CDK12: variants seen among roughly 807,000 people sequenced by gnomAD.
CDK12 encodes the protein cyclin dependent kinase 12.
Under a neutral mutation model 133.8 loss-of-function variants are expected in CDK12, and 17 were observed. The observed-to-expected ratio is 0.13, with a 90% CI of 0.09 to 0.19. The LOEUF is 0.19. Among genes scored for constraint, CDK12 ranks in the 10% least tolerant of loss-of-function variants. The pLI, the probability that CDK12 is intolerant of heterozygous loss-of-function variation, is 1.00. For missense variants in CDK12, 1,508 were observed against 1,818.7 expected, an observed-to-expected ratio of 0.83 and a Z score of 3.11; for synonymous variants, 694 against 683.6, an observed-to-expected ratio of 1.02 and a Z score of -0.24.
In CDK12 at chr17:39,533,074, TAA is replaced by T; in HGVS notation, c.*1769_*1770del. 4.6e-6 allele frequency: 1 copy of T among 215,990 alleles called. No individual in the cohort carries two copies. Among genetic ancestry groups the T allele is most frequent in the Non-Finnish European group, 9.2e-6 (1 of 108,970 alleles). The allele number at this position is 215,990 out of a possible 1,614,324, so 13.4% of individuals were successfully genotyped here. On this transcript the variant is annotated 3_prime_UTR_variant, in exon 14 of 14. Coordinates refer to ENST00000447079, the MANE Select transcript of CDK12 (RefSeq NM_016507.4). The stretch of plus-strand genomic sequence containing the variant: ...ACTTATAAGAGAAAGGTGCATTACT[TAA>T]AAAAAAAAAACTTTAAAGAAATGAA...
rs772546828 is a variant in CDK12, at chr17:39,509,741, G to T, written c.2646G>T (p.Arg882=). ...AACTAGCAGATTTTGGACTTGCTCG[G>T]CTCTATAACTCTGAAGAGAGGTAAG... is the stretch of plus-strand genomic sequence containing the variant. ...QIKLADFGLA[R]LYNSEESRPY... Residue 882 remains arginine (R), a synonymous_variant, in exon 7 of 14, where the codon CGG becomes CGT. Transcript: ENST00000447079. The T allele has an allele frequency of 6.2e-7, 1 of 1,611,764 alleles. No individual in the cohort carries two copies. Among genetic ancestry groups the T allele is most frequent in the Non-Finnish European group, 8.5e-7 (1 of 1,177,916 alleles).
intron 3 of CDK12, among the ~76,000 whole-genome samples, chr17:39,558,789 G>A (rs1311568501): frequency 2.0e-5 from 3 of 152,132 alleles, no homozygotes; most frequent in Admixed American, 2.0e-4. Flanking sequence ...GATTATAGGC[G>A]TGTGCCACCA....
chr17:39,544,296 T>C (rs372254240), upstream of CDK12: 7 of 489,006 alleles, frequency 1.4e-5, no homozygotes, highest in Admixed American at 6.9e-5. Context: ...GTGATGTCCA[T>C]CAGTCACCTC....
upstream of CDK12, chr17:39,549,240 T>C (rs1165101804): frequency 6.6e-6 from 1 of 152,140 alleles, no homozygotes; most frequent in East Asian, 1.9e-4. Context: ...GCAAATGCCT[T>C]ACCTAAAATG....
rs2144889007 is a variant in CDK12, at chr17:39,462,651, C to T, written c.580C>T (p.His194Tyr). 6.2e-7 allele frequency: 1 copy of T among 1,614,040 alleles called. No individual in the cohort carries two copies. Among genetic ancestry groups the T allele is most frequent in the Non-Finnish European group, 8.5e-7 (1 of 1,180,022 alleles). Residue 194 changes from histidine (H) to tyrosine (Y), a missense_variant, in exon 1 of 14, where the codon CAC becomes TAC. By Grantham distance (83) the His-to-Tyr change is moderately conservative. Transcript: ENST00000447079. ...TRKERELKSG[H>Y]KDRSKSHRKR... ...GAAAGAACGGGAGCTGAAGTCTGGG[C>T]ACAAAGACCGGAGTAAAAGTCATCG...
At chr17:39,475,547 A>ATTT (rs1039865528) in intron 2 of CDK12, among the ~76,000 whole-genome samples, 1 of 139,814 alleles carries the variant, frequency 7.2e-6, no homozygotes, top group Non-Finnish European at 1.6e-5. Flanking sequence ...AGAACCTGAA[A>ATTT]TTTTTTTTTT....
intron 3 of CDK12, among the ~76,000 whole-genome samples, chr17:39,562,412 G>A (rs755735776): frequency 1.3e-5 from 2 of 152,102 alleles, no homozygotes; most frequent in Non-Finnish European, 2.9e-5. Context: ...TCCTGACTGT[G>A]GCTGGGAAGA....
chr17:39,493,290 A>T (rs1331293074), intron 4 of CDK12, among the ~76,000 whole-genome samples: 1 of 150,702 alleles, frequency 6.6e-6, no homozygotes, highest in East Asian at 2.0e-4. Flanking sequence ...GATGTGAGCC[A>T]CGGCGCCAGG....
At chr17:39,502,837 G>A (rs1471216762) in intron 6 of CDK12, among the ~76,000 whole-genome samples, 2 of 152,098 alleles carry the variant, frequency 1.3e-5, no homozygotes, top group Non-Finnish European at 2.9e-5. Context: ...TGTTATGTCT[G>A]GAAAACTGTA....
chr17:39,467,355 A>G (rs2049418569), intron 1 of CDK12, among the ~76,000 whole-genome samples: 1 of 152,180 alleles, frequency 6.6e-6, no homozygotes, highest in African/African-American at 2.4e-5. Context: ...AGCAATGATT[A>G]ATAGTTGAGT....
At chr17:39,475,361 T>C (rs1366821321) in intron 2 of CDK12, among the ~76,000 whole-genome samples, 1 of 151,908 alleles carries the variant, frequency 6.6e-6, no homozygotes, top group Non-Finnish European at 1.5e-5. Context: ...TAGCCCTAGC[T>C]ACTTGGGAGG....
In CDK12 at chr17:39,462,438, C is replaced by G. The variant is rs1244647516; in HGVS notation, c.367C>G (p.Leu123Val). The G allele has an allele frequency of 6.2e-7, 1 of 1,613,962 alleles. No homozygotes were observed. Among genetic ancestry groups the G allele is most frequent in the East Asian group, 2.2e-5 (1 of 44,886 alleles). Reference sequence around the variant, plus strand: ...CCAGCACAGGCGTTCCCGGGACTTACTAAAAGCTAAACAGACCGAAAAAGA... The same window carrying G: ...CCAGCACAGGCGTTCCCGGGACTTAGTAAAAGCTAAACAGACCGAAAAAGA... ...HHQHRRSRDL[L>V]KAKQTEKEKS... The change falls in exon 1 of 14, where the codon CTA (leucine) becomes GTA (valine). Residue 123 changes from leucine (L) to valine (V), a missense_variant. Coordinates refer to ENST00000447079, the MANE Select transcript of CDK12 (RefSeq NM_016507.4).
In CDK12 at chr17:39,526,232, A is replaced by G. The variant is rs774266203; in HGVS notation, c.3676A>G (p.Ser1226Gly). The change falls in exon 13 of 14, where the codon AGT (serine) becomes GGT (glycine). Residue 1226 changes from serine (S) to glycine (G), a missense_variant. Physicochemically the swap from Ser to Gly is moderately conservative, Grantham distance 56 (BLOSUM62 0). Transcript: ENST00000447079. ...QLMKTQEPAG[S>G]LEENNSDKNS... is the part of the protein sequence containing the mutation. ...GATGAAAACCCAAGAGCCAGCAGGC[A>G]GTCTGGAGGAAAACAACAGTGACAA... 1.2e-6 allele frequency: 2 copies of G among 1,613,098 alleles called. No individual in the cohort carries two copies. Among genetic ancestry groups the G allele is most frequent in the African/African-American group, 1.3e-5 (1 of 75,046 alleles).
chr17:39,563,391 TTCTC>T (rs71147359), intron 3 of CDK12, among the ~76,000 whole-genome samples: 10 of 146,718 alleles, frequency 6.8e-5, no homozygotes, highest in South Asian at 2.1e-4. Context: ...GAACTCAATA[TTCTC>T]TCTCTCTCTC....
At chr17:39,565,649 G>C (rs999705400), downstream of CDK12, among the ~76,000 whole-genome samples, 1 of 150,252 alleles carries the variant, frequency 6.7e-6, no homozygotes, top group Non-Finnish European at 1.5e-5. Flanking sequence ...GGTCAGGCTG[G>C]TCTCAAACTC....
intron 2 of CDK12, among the ~76,000 whole-genome samples, chr17:39,476,170 A>C (rs894365923): frequency 2.6e-5 from 4 of 151,712 alleles, no homozygotes; most frequent in African/African-American, 9.7e-5. Flanking sequence ...GCTGGAGTGC[A>C]GTGGCAAGAT....
chr17:39,473,746 G>A (rs1229169837), intron 2 of CDK12, among the ~76,000 whole-genome samples: 1 of 152,098 alleles, frequency 6.6e-6, no homozygotes, highest in Non-Finnish European at 1.5e-5. Context: ...TTAGCTGGGC[G>A]TGGTGGCGGT....
At chr17:39,485,227 G>A (rs1329338097) in intron 2 of CDK12, among the ~76,000 whole-genome samples, 3 of 151,242 alleles carry the variant, frequency 2.0e-5, no homozygotes, top group Non-Finnish European at 4.4e-5. Flanking sequence ...GGATAAGAGA[G>A]TACCTAATCT....
At chr17:39,505,065 C>G (rs1003400063) in intron 6 of CDK12, among the ~76,000 whole-genome samples, 1 of 150,756 alleles carries the variant, frequency 6.6e-6, no homozygotes, top group African/African-American at 2.4e-5. Flanking sequence ...CCCGTCTCTA[C>G]TAAAATACAA....
Sources: allele counts gnomAD v4.1 joint callset (sites outside exome capture counted in the v4.1 genomes callset), GRCh38; gene constraint gnomAD v4.1.1; transcripts MANE v1.5; gene names NCBI Gene and HGNC (gene_info 2026-07-23, HGNC 2026-07-21).